Variants in MTNAP1 observed in about 807,000 individuals in gnomAD.
MTNAP1 encodes the protein mitochondrial nucleoid-associated protein 1.
the MTNAP1 span, among the ~76,000 whole-genome samples, chr17:73,239,791 G>T: frequency 6.6e-6 from 1 of 152,286 alleles, no homozygotes; most frequent in East Asian, 1.9e-4. Context: ...AAAGTGCTGG[G>T]ATTACAGGTG....
At chr17:73,243,086 T>TGTTG in the MTNAP1 span, 1 of 987,740 alleles carries the variant, frequency 1.0e-6, no homozygotes, top group African/African-American at 1.7e-5. Flanking sequence ...AATTTTTTTT[T>TGTTG]TTTTTTTTTT....
the MTNAP1 span, chr17:73,245,187 G>A: frequency 1.2e-6 from 2 of 1,610,332 alleles, no homozygotes; most frequent in African/African-American, 1.3e-5. Flanking sequence ...GGTGGCGTAA[G>A]TAGTGTTGAC....
At chr17:73,247,295 T>G in the MTNAP1 span, 1 of 1,614,102 alleles carries the variant, frequency 6.2e-7, no homozygotes, top group African/African-American at 1.3e-5. Context: ...TGCATTGGTG[T>G]GGCGAAGACG....
chr17:73,247,471 A>G, the MTNAP1 span: 10 of 824,386 alleles, frequency 1.2e-5, no homozygotes, highest in East Asian at 1.7e-4. Context: ...TCAGCCCTCA[A>G]GGTTATCAGG....
At chr17:73,247,329 A>G in the MTNAP1 span, 252 of 1,613,612 alleles carry the variant, frequency 1.6e-4, 1 homozygote, top group African/African-American at 2.9e-3. Flanking sequence ...GCTCTAAAAC[A>G]TGTTTGGATT....
At chr17:73,232,647 T>G in the MTNAP1 span, 23 of 225,618 alleles carry the variant, frequency 1.0e-4, no homozygotes, top group East Asian at 3.7e-4. Flanking sequence ...GGCCGGGGGT[T>G]GGGCAGGGGC....
the MTNAP1 span, among the ~76,000 whole-genome samples, chr17:73,241,670 C>G: frequency 7.4e-4 from 113 of 152,258 alleles, 1 homozygote; most frequent in African/African-American, 2.6e-3. Flanking sequence ...TGGTTCATGC[C>G]TATAATCCCA....
chr17:73,244,332 G>A, the MTNAP1 span, among the ~76,000 whole-genome samples: 1 of 152,084 alleles, frequency 6.6e-6, no homozygotes, highest in Admixed American at 6.5e-5. Flanking sequence ...GGAGGCCGAG[G>A]CTGGCAGATC....
At chr17:73,238,283 G>A in the MTNAP1 span, among the ~76,000 whole-genome samples, 4 of 38,362 alleles carry the variant, frequency 1.0e-4, no homozygotes, top group Non-Finnish European at 1.3e-4. Context: ...CATACCTGTC[G>A]TTTGTAAAGT....
chr17:73,237,127 G>T, the MTNAP1 span: 1 of 965,060 alleles, frequency 1.0e-6, no homozygotes, highest in Non-Finnish European at 1.5e-6. Context: ...CCAGTAGACT[G>T]CATATAAAGT....
the MTNAP1 span, chr17:73,243,124 G>A: frequency 1.1e-5 from 8 of 756,900 alleles, no homozygotes; most frequent in Non-Finnish European, 6.6e-6. Flanking sequence ...TATCTGGCAT[G>A]CCCTGGTGAA....
chr17:73,236,255 T>A, the MTNAP1 span: 5 of 1,613,960 alleles, frequency 3.1e-6, no homozygotes, highest in African/African-American at 1.3e-5. Flanking sequence ...AGGGATCACC[T>A]CTCAGGAGTC....
the MTNAP1 span, chr17:73,236,324 G>A: frequency 4.3e-6 from 7 of 1,614,062 alleles, no homozygotes; most frequent in South Asian, 1.1e-5. Flanking sequence ...CTCATTTTAA[G>A]CCTTAAAATG....
chr17:73,242,149 TC>T, the MTNAP1 span: 15 of 730,440 alleles, frequency 2.1e-5, no homozygotes, highest in South Asian at 3.0e-4. Context: ...AATATGCTCT[TC>T]CTGAGGCTTA....
the MTNAP1 span, chr17:73,245,190 G>A: frequency 6.2e-7 from 1 of 1,613,646 alleles, no homozygotes; most frequent in Non-Finnish European, 8.5e-7. Flanking sequence ...GGCGTAAGTA[G>A]TGTTGACCTG....
chr17:73,244,953 G>A, the MTNAP1 span, among the ~76,000 whole-genome samples: 2 of 152,192 alleles, frequency 1.3e-5, no homozygotes, highest in Non-Finnish European at 2.9e-5. Context: ...AGAGAAAAGG[G>A]CTTTTCTTAA....
chr17:73,248,362 C>G, the MTNAP1 span: 1 of 835,318 alleles, frequency 1.2e-6, no homozygotes, highest in Non-Finnish European at 1.9e-6. Flanking sequence ...AAGAACGTCT[C>G]TAACATGATT....
the MTNAP1 span, among the ~76,000 whole-genome samples, chr17:73,233,846 C>A: frequency 2.0e-5 from 3 of 151,192 alleles, no homozygotes; most frequent in African/African-American, 7.3e-5. Flanking sequence ...GCACTCCAGC[C>A]TGAGTGATAG....
the MTNAP1 span, chr17:73,247,617 C>A: frequency 3.0e-6 from 1 of 338,162 alleles, no homozygotes; most frequent in South Asian, 3.7e-5. Context: ...GAGAATAGAA[C>A]TATTTAATGA....
Sources: allele counts gnomAD v4.1 joint callset (sites outside exome capture counted in the v4.1 genomes callset), GRCh38; gene constraint gnomAD v4.1.1; transcripts MANE v1.5; gene names NCBI Gene and HGNC (gene_info 2026-07-23, HGNC 2026-07-21).